CASQ2: variants seen among roughly 807,000 people sequenced by gnomAD.
CASQ2 encodes calsequestrin 2.
A neutral mutation model predicts 46.5 loss-of-function variants in CASQ2; 49 were observed. The ratio of observed to expected loss-of-function variants is 1.05; its 90% confidence interval spans 0.84 to 1.34. CASQ2 has a LOEUF of 1.34. Among genes scored for constraint, CASQ2 ranks in the 40% most tolerant of loss-of-function variants. The pLI, the probability that CASQ2 is intolerant of heterozygous loss-of-function variation, is 0.00. For synonymous variants in CASQ2, 174 were observed against 168.5 expected (o/e 1.03, Z -0.25); for missense variants, 486 against 481.3 (o/e 1.01, Z -0.09).
chr1:115,750,334 C>T (rs932770571), intron 1 of CASQ2, among the ~76,000 whole-genome samples: 2 of 152,220 alleles, frequency 1.3e-5, no homozygotes, highest in Middle Eastern at 3.2e-3. Context: ...TCAGTTACCT[C>T]TCAGATAGTC....
intron 3 of CASQ2, among the ~76,000 whole-genome samples, chr1:115,739,462 G>A (rs1012848109): frequency 6.6e-6 from 1 of 152,044 alleles, no homozygotes; most frequent in African/African-American, 2.4e-5. Flanking sequence ...GGACATTTAG[G>A]TGGATTTCAT....
Position 115,701,298 on chromosome 1 carries a change from ATCATCATCATCT to A in CASQ2, c.1131_1142del (p.Glu377_Asp380del), listed in dbSNP as rs764957093. 28 of 1,597,492 alleles carry A rather than the reference ATCATCATCATCT, an allele frequency of 1.8e-5. No homozygotes were observed. The highest frequency in any genetic ancestry group is 2.1e-5 in the Non-Finnish European group (25 of 1,165,118). On this transcript the variant is annotated inframe_deletion, in exon 11 of 11. Coordinates refer to ENST00000261448, the MANE Select transcript of CASQ2 (RefSeq NM_001232.4). ...TATCCTCTTCATCAGAATTATCATCATCATCATCATCTTCATCATCATCTTCAGTGTTTATCT... is the reference window on the plus strand; with the variant it reads ...TATCCTCTTCATCAGAATTATCATCATCATCATCATCTTCAGTGTTTATCT...
intron 2 of CASQ2, among the ~76,000 whole-genome samples, chr1:115,743,310 C>T (rs1302623011): frequency 6.6e-6 from 1 of 152,008 alleles, no homozygotes; most frequent in South Asian, 2.1e-4. Flanking sequence ...ATCATGCAGG[C>T]AGAAGTCACG....
At chr1:115,767,823 G>C (rs1007249684) in intron 1 of CASQ2, among the ~76,000 whole-genome samples, 1 of 152,192 alleles carries the variant, frequency 6.6e-6, no homozygotes, top group African/African-American at 2.4e-5. Flanking sequence ...AAACAAGAGA[G>C]AGGAAAGTCA....
intron 1 of CASQ2, among the ~76,000 whole-genome samples, chr1:115,759,517 G>T (rs188555225): frequency 2.0e-5 from 3 of 152,270 alleles, no homozygotes; most frequent in Admixed American, 6.5e-5. Context: ...AGATGCAGCT[G>T]CCAATTTTGA....
At chr1:115,705,104 C>T (rs1654318155) in intron 9 of CASQ2, 88 bp downstream of exon 9, 1 of 881,354 alleles carries the variant, frequency 1.1e-6, no homozygotes. Flanking sequence ...CTTCAAGTGC[C>T]CCTGCCTATT....
At chr1:115,705,412 T>C (rs1654328379) in intron 8 of CASQ2, 120 bp from the exon 9 acceptor site, 2 of 718,288 alleles carry the variant, frequency 2.8e-6, no homozygotes, top group East Asian at 2.7e-5. Flanking sequence ...CCCTCAATTA[T>C]AGGATTATTC....
intron 4 of CASQ2, 46 bp downstream of exon 4, chr1:115,738,178 G>T: frequency 8.6e-7 from 1 of 1,165,462 alleles, no homozygotes; most frequent in Non-Finnish European, 1.3e-6. Flanking sequence ...ACCTTGTTTG[G>T]AATCTAGCTT....
At chr1:115,731,032 T>C (rs1046915155) in intron 5 of CASQ2, among the ~76,000 whole-genome samples, 1 of 152,172 alleles carries the variant, frequency 6.6e-6, no homozygotes, top group African/African-American at 2.4e-5. Context: ...AACTGATGGA[T>C]GCAAGTTCTT....
chr1:115,725,343 A>T (rs1166376431), intron 7 of CASQ2, among the ~76,000 whole-genome samples, 165 bp downstream of exon 7: 1 of 152,098 alleles, frequency 6.6e-6, no homozygotes, highest in Non-Finnish European at 1.5e-5. Context: ...CTGGGATTAC[A>T]GTTCTGAGCC....
At chr1:115,752,900 T>C (rs1648631256) in intron 1 of CASQ2, among the ~76,000 whole-genome samples, 5 of 152,158 alleles carry the variant, frequency 3.3e-5, no homozygotes, top group Admixed American at 3.3e-4. Flanking sequence ...ACCAAGACAG[T>C]GTCAGTGGGA....
chr1:115,712,853 C>CA (rs1349796492), intron 8 of CASQ2, among the ~76,000 whole-genome samples: 3,700 of 117,700 alleles, frequency 0.031, 170 homozygotes, highest in African/African-American at 0.096. Flanking sequence ...GAGACTGCCT[C>CA]AAAAAAAAAA....
At chr1:115,731,230 C>T (rs1647772511) in intron 5 of CASQ2, among the ~76,000 whole-genome samples, 1 of 152,190 alleles carries the variant, frequency 6.6e-6, no homozygotes, top group Admixed American at 6.5e-5. Flanking sequence ...TCATGGACCA[C>T]AGGCATGAAG....
At chr1:115,721,938 C>G (rs1447878986) in intron 7 of CASQ2, among the ~76,000 whole-genome samples, 1 of 152,172 alleles carries the variant, frequency 6.6e-6, no homozygotes, top group East Asian at 1.9e-4. Context: ...GTTGCTGTGG[C>G]CACGTGGCCC....
rs1235460501 is a variant in CASQ2, at chr1:115,761,520, GAAGAAGAA to G, written c.234+6780_234+6787del. On this transcript the variant is annotated intron_variant, in intron 1 of 10. Transcript: ENST00000261448. ...AGGAGAAGAAGAAGAAGAAGAAGAA[GAAGAAGAA>G]GAGTTCATAAAGTGCACATGAGTCT... Among the ~76,000 whole-genome samples the G allele has an allele frequency of 1.2e-3, 124 of 106,042 alleles. 11 individuals are homozygous for G. The highest frequency in any genetic ancestry group is 2.9e-3 in the South Asian group (8 of 2,790). 69.6% of individuals were successfully genotyped at this position (106,042 alleles called of 152,430 possible).
chr1:115,713,638 C>G (rs968754331), intron 8 of CASQ2, among the ~76,000 whole-genome samples: 1 of 152,220 alleles, frequency 6.6e-6, no homozygotes, highest in African/African-American at 2.4e-5. Flanking sequence ...CAAACCTGGA[C>G]AGACAGTGGG....
intron 7 of CASQ2, among the ~76,000 whole-genome samples, chr1:115,721,239 C>T (rs1266247426): frequency 1.3e-5 from 2 of 152,100 alleles, no homozygotes; most frequent in Non-Finnish European, 2.9e-5. Flanking sequence ...AGGACTCCAG[C>T]GGGCCACTTG....
intron 4 of CASQ2, among the ~76,000 whole-genome samples, chr1:115,735,513 C>T (rs1410631160): frequency 6.6e-6 from 1 of 152,150 alleles, no homozygotes; most frequent in East Asian, 1.9e-4. Context: ...ATATAATGTA[C>T]TAACAAAGTT....
chr1:115,717,129 T>A (rs1463557414), intron 8 of CASQ2, among the ~76,000 whole-genome samples: 3 of 152,132 alleles, frequency 2.0e-5, no homozygotes, highest in Non-Finnish European at 4.4e-5. Context: ...GAGTAAAAGC[T>A]CCCTGAAGCC....
Sources: allele counts gnomAD v4.1 joint callset (sites outside exome capture counted in the v4.1 genomes callset), GRCh38; gene constraint gnomAD v4.1.1; transcripts MANE v1.5; gene names NCBI Gene and HGNC (gene_info 2026-07-23, HGNC 2026-07-21).